The following CARMIL2 variants were observed in gnomAD, a reference collection of about 807,000 sequenced individuals.
The protein encoded by CARMIL2 is capping protein, Arp2/3 and myosin-I linker protein 2.
CARMIL2 carries 96 observed loss-of-function variants against 173.3 expected under a neutral mutation model. The ratio of observed to expected loss-of-function variants is 0.55; its 90% CI spans 0.47 to 0.66. The LOEUF (loss-of-function observed/expected upper bound fraction) is 0.66, where lower values mean the gene tolerates loss of function less well. Ranked by LOEUF, CARMIL2 falls within the 30% of genes least tolerant of loss-of-function variation. The probability of loss-of-function intolerance (pLI) is 0.00; values close to 1 mark genes in which losing one functional copy is unlikely to be tolerated. For synonymous variants in CARMIL2, 830 were observed against 817.1 expected (o/e 1.02, Z -0.27); for missense variants, 1,771 against 1,906.7 (o/e 0.93, Z 1.33).
At chr16:67,655,379 T>G (rs539841433) in intron 32 of CARMIL2, among the ~76,000 whole-genome samples, 2 of 152,266 alleles carry the variant, frequency 1.3e-5, no homozygotes, top group African/African-American at 4.8e-5. Context: ...GCAGTGAGCC[T>G]AGATCGTGCC....
Position 67,649,496 on chromosome 16 carries a change from G to A in CARMIL2, c.1796G>A (p.Ser599Asn), listed in dbSNP as rs368884160. 14 of 1,610,134 alleles carry A rather than the reference G, an allele frequency of 8.7e-6. No individual in the cohort carries two copies. Among genetic ancestry groups the A allele is most frequent in the Non-Finnish European group, 8.5e-6 (10 of 1,179,884 alleles). The change falls in exon 20 of 38, where the codon AGC becomes AAC. Residue 599 changes from serine to asparagine, a missense_variant. Ser to Asn is a conservative substitution (Grantham distance 46). Around this residue, in one of 3 missense-constraint regions of CARMIL2, gnomAD observed 944 missense variants for 975.6 expected, o/e 0.97. Transcript: ENST00000334583. The surrounding 1 kb of genome is among the most constrained non-coding windows in gnomAD (Gnocchi z 6.7). ...VAESRLKLGASVLLRALATNP... is the reference protein window; with the variant it reads ...VAESRLKLGANVLLRALATNP... ...GAGTCTCGGCTGAAGCTGGGTGCCAGCGTCCTACTCCGGGCCCTAGCCACC... is the reference window on the plus strand; with the variant it reads ...GAGTCTCGGCTGAAGCTGGGTGCCAACGTCCTACTCCGGGCCCTAGCCACC...
In CARMIL2 at chr16:67,646,552, C is replaced by T. The variant is rs756170320; in HGVS notation, c.466+35C>T. On this transcript the variant is annotated intron_variant, in intron 6 of 37. Coordinates refer to ENST00000334583, the MANE Select transcript of CARMIL2 (RefSeq NM_001013838.3). The surrounding 1 kb of genome is among the most constrained non-coding windows in gnomAD (Gnocchi z 4.6). ...AAGGCAGAGCCACAGGCCTTCCAGC[C>T]TGCCCCACCTCTGCCTCCCCAGACC... 1.6e-5 allele frequency: 25 copies of T among 1,602,044 alleles called. No homozygotes were observed. Among genetic ancestry groups the T allele is most frequent in the Non-Finnish European group, 2.0e-5 (24 of 1,171,984 alleles).
rs115875560 is a variant in CARMIL2 at position 67,651,395 on chromosome 16, C to T, written c.2314-6C>T. 1,480 of 1,592,660 alleles carry T rather than the reference C, an allele frequency of 9.3e-4. 10 individuals carry two copies. The African/African-American group carries it at 0.015, about 16-fold the overall frequency. ...CTCGCAACTGCTTTTCCTCTTTGGCCCTCAGATTCTCCCCATTCTATATGA... is the reference window on the plus strand; with the variant it reads ...CTCGCAACTGCTTTTCCTCTTTGGCTCTCAGATTCTCCCCATTCTATATGA... On this transcript the variant is annotated splice_region_variant and splice_polypyrimidine_tract_variant and intron_variant, in intron 23 of 37. Transcript: ENST00000334583. This position sits in a 1 kb window ranked among gnomAD's most constrained non-coding sequence, Gnocchi z 4.2.
rs372196623 is a variant in CARMIL2, at chr16:67,648,030, C to T, written c.1072-22C>T. ...CTGGGTAGGCGATCCCCCACTCCATCGCACCCCTGTCCTCCCTCCAGGGCC... is the reference window on the plus strand; with the variant it reads ...CTGGGTAGGCGATCCCCCACTCCATTGCACCCCTGTCCTCCCTCCAGGGCC... On this transcript the variant is annotated intron_variant, in intron 13 of 37. Transcript: ENST00000334583. This position sits in a 1 kb window ranked among gnomAD's most constrained non-coding sequence, Gnocchi z 6.1. The T allele has an allele frequency of 8.1e-6, 13 of 1,609,268 alleles. No homozygotes were observed. In the African/African-American group the frequency reaches 1.6e-4, roughly 20 times the overall value.
In CARMIL2 at chr16:67,651,850, G is replaced by A. The variant is rs1288581351; in HGVS notation, c.2588+5G>A. ...AGATGCCTTCACTAGGCTCAGGTAG[G>A]CTGGATGGGGCTGGGCTGGGCAAGG... On this transcript the variant is annotated splice_donor_5th_base_variant and intron_variant, in intron 25 of 37. Transcript: ENST00000334583. This position sits in a 1 kb window ranked among gnomAD's most constrained non-coding sequence, Gnocchi z 4.2. The A allele has an allele frequency of 1.2e-6, 2 of 1,612,594 alleles. No homozygotes were observed. Among genetic ancestry groups the A allele is most frequent in the South Asian group, 1.1e-5 (1 of 91,078 alleles).
Position 67,651,808 on chromosome 16 carries a change from C to T in CARMIL2, c.2551C>T (p.Pro851Ser). Residue 851 changes from proline to serine, a missense_variant, in exon 25 of 38, where the codon CCA becomes TCA. By Grantham distance (74) the Pro-to-Ser change is moderately conservative. Around this residue, in one of 3 missense-constraint regions of CARMIL2, gnomAD observed 817 missense variants for 903.5 expected, o/e 0.90. Coordinates refer to ENST00000334583, the MANE Select transcript of CARMIL2 (RefSeq NM_001013838.3). This position sits in a 1 kb window ranked among gnomAD's most constrained non-coding sequence, Gnocchi z 4.2. ...AGSRGLPELLPEQLLQDAFTR... is the reference protein window; with the variant it reads ...AGSRGLPELLSEQLLQDAFTR... ...CTCGAGGGGCCTCCCGGAGCTGCTC[C>T]CAGAGCAGCTGCTGCAAGATGCCTT... The T allele has an allele frequency of 6.2e-7, 1 of 1,611,466 alleles. No homozygotes were observed. The highest frequency in any genetic ancestry group is 8.5e-7 in the Non-Finnish European group (1 of 1,179,312).
chr16:67,645,482 G>A, intron 1 of CARMIL2, 58 bp from the exon 2 acceptor site: 1 of 1,469,716 alleles, frequency 6.8e-7, no homozygotes. Flanking sequence ...CACAGACTGT[G>A]GGCACCAGTG....
rs1328947120 is a variant in CARMIL2 at position 67,649,240 on chromosome 16, GC to G, written c.1689-10del. The G allele has an allele frequency of 1.2e-6, 2 of 1,613,362 alleles. No homozygotes were observed. The highest frequency in any genetic ancestry group is 2.2e-5 in the South Asian group (2 of 91,038). ...ACCACCCCTGTCCCCCACAACTGCG[GC>G]CCCTGCCCACAGGGAGACCCTGGAC... On this transcript the variant is annotated splice_polypyrimidine_tract_variant and intron_variant, in intron 18 of 37. Transcript: ENST00000334583. The surrounding 1 kb of genome is among the most constrained non-coding windows in gnomAD (Gnocchi z 6.7).
rs2052692268 is a variant in CARMIL2, at chr16:67,649,973, G to T, written c.2082+5G>T. The T allele has an allele frequency of 8.7e-6, 14 of 1,613,232 alleles. No homozygotes were observed. The highest frequency in any genetic ancestry group is 1.7e-5 in the Admixed American group (1 of 59,992). On this transcript the variant is annotated splice_donor_5th_base_variant and intron_variant, in intron 21 of 37. Coordinates refer to ENST00000334583, the MANE Select transcript of CARMIL2 (RefSeq NM_001013838.3). This position sits in a 1 kb window ranked among gnomAD's most constrained non-coding sequence, Gnocchi z 6.7. ...ACAGCACGTGCAGTCCATCAGGTGG[G>T]CGTCCCCCTCTTCCCTTGCCCTTCT...
chr16:67,656,127 C>T, intron 33 of CARMIL2, 60 bp downstream of exon 33: 2 of 1,611,128 alleles, frequency 1.2e-6, no homozygotes, highest in African/African-American at 1.3e-5. Flanking sequence ...ATAGACAGCC[C>T]CCAAGGCACT....
rs763125701 is a variant in CARMIL2, at chr16:67,647,110, C to T, written c.612-6C>T. 2 of 1,613,602 alleles carry T rather than the reference C, an allele frequency of 1.2e-6. No homozygotes were observed. Among genetic ancestry groups the T allele is most frequent in the South Asian group, 1.1e-5 (1 of 91,074 alleles). ...AGCTCTGCCTCTGTTCCCACCCTCCCACCAGGGACCTGGCCTTGAGTGTGG... is the reference window on the plus strand; with the variant it reads ...AGCTCTGCCTCTGTTCCCACCCTCCTACCAGGGACCTGGCCTTGAGTGTGG... On this transcript the variant is annotated splice_polypyrimidine_tract_variant and splice_region_variant and intron_variant, in intron 8 of 37. Coordinates refer to ENST00000334583, the MANE Select transcript of CARMIL2 (RefSeq NM_001013838.3).
chr16:67,653,043 A>G lies in CARMIL2; in HGVS notation c.2909A>G (p.Glu970Gly). 2.4e-6 allele frequency: 3 copies of G among 1,271,616 alleles called. No individual in the cohort carries two copies. Among genetic ancestry groups the G allele is most frequent in the Non-Finnish European group, 3.0e-6 (3 of 997,104 alleles). 78.8% of individuals were successfully genotyped at this position (1,271,616 alleles called of 1,614,324 possible). The change falls in exon 29 of 38, where the codon GAG becomes GGG. Residue 970 changes from glutamate (E) to glycine (G), a missense_variant. Physicochemically the swap from Glu to Gly is moderately conservative, Grantham distance 98. This residue lies in a region of CARMIL2 where 817 missense variants were observed against 903.5 expected (regional missense o/e 0.90). Transcript: ENST00000334583. The surrounding 1 kb of genome is among the most constrained non-coding windows in gnomAD (Gnocchi z 7.4). ...GGTGCTGCTGAGGAAGCGGAGCCGG[A>G]GCCCGAGCTGGCGGCTCCGGGAGAA... is the stretch of plus-strand genomic sequence containing the variant. ...IHSAAEEAEP[E>G]PELAAPGEDA...
rs2052734844 is a variant in CARMIL2 at position 67,652,034 on chromosome 16, T to C, written c.2676+26T>C. ...GTGAGGGGGAGATGTGCACACACTT[T>C]CGTGCAAACACACACATGCAGTGAC... On this transcript the variant is annotated intron_variant, in intron 26 of 37. Transcript: ENST00000334583. This position sits in a 1 kb window ranked among gnomAD's most constrained non-coding sequence, Gnocchi z 4.7. 1.9e-6 allele frequency: 3 copies of C among 1,611,362 alleles called. No homozygotes were observed. Among genetic ancestry groups the C allele is most frequent in the African/African-American group, 1.3e-5 (1 of 75,026 alleles).
At position 67,649,498 on chromosome 16, in the gene CARMIL2, G is replaced by T. The variant is rs889311845; in HGVS notation, c.1798G>T (p.Val600Phe). 1.2e-6 allele frequency: 2 copies of T among 1,609,598 alleles called. No individual in the cohort carries two copies. Among genetic ancestry groups the T allele is most frequent in the Non-Finnish European group, 1.7e-6 (2 of 1,179,878 alleles). ...AESRLKLGAS[V>F]LLRALATNPN... The stretch of plus-strand genomic sequence containing the variant: ...GTCTCGGCTGAAGCTGGGTGCCAGC[G>T]TCCTACTCCGGGCCCTAGCCACCAA... Residue 600 changes from valine to phenylalanine, a missense_variant, in exon 20 of 38, where the codon GTC becomes TTC. By Grantham distance (50) the Val-to-Phe change is conservative (BLOSUM62 -1). This residue lies in a region of CARMIL2 where 944 missense variants were observed against 975.6 expected (regional missense o/e 0.97). Coordinates refer to ENST00000334583, the MANE Select transcript of CARMIL2 (RefSeq NM_001013838.3). The surrounding 1 kb of genome is among the most constrained non-coding windows in gnomAD (Gnocchi z 6.7).
rs944011074 is a variant in CARMIL2 at position 67,648,875 on chromosome 16, C to T, written c.1510-18C>T. On this transcript the variant is annotated intron_variant, in intron 16 of 37. Transcript: ENST00000334583. The surrounding 1 kb of genome is among the most constrained non-coding windows in gnomAD (Gnocchi z 6.1). Reference sequence around the variant, plus strand: ...CCTAAGTGGGTCCCACTTCCCACCTCCCACCTCCCACATACAGCTGCGCTC... The same window carrying T: ...CCTAAGTGGGTCCCACTTCCCACCTTCCACCTCCCACATACAGCTGCGCTC... The T allele has an allele frequency of 1.1e-5, 18 of 1,597,126 alleles. No individual in the cohort carries two copies. The highest frequency in any genetic ancestry group is 1.5e-5 in the Non-Finnish European group (18 of 1,172,648).
At position 67,654,602 on chromosome 16, in the gene CARMIL2, C is replaced by G; in HGVS notation, c.3492C>G (p.Ser1164Arg). Residue 1164 changes from serine to arginine, a missense_variant, in exon 31 of 38, where the codon AGC becomes AGG. Ser to Arg is a moderately radical substitution (Grantham distance 110). Coordinates refer to ENST00000334583, the MANE Select transcript of CARMIL2 (RefSeq NM_001013838.3). ...DTSSPDPAGR[S>R]RPRYTRDSKA... ...GCAGCCCTGACCCTGCCGGCAGGAG[C>G]CGACCTCGCTACACAAGAGATAGCA... 6.2e-6 allele frequency: 10 copies of G among 1,605,670 alleles called. No homozygotes were observed. Among genetic ancestry groups the G allele is most frequent in the Non-Finnish European group, 8.5e-6 (10 of 1,175,654 alleles).
chr16:67,649,768 G>A lies in CARMIL2; in HGVS notation c.1920-38G>A. 1 of 1,595,122 alleles carries A rather than the reference G, an allele frequency of 6.3e-7. No individual in the cohort carries two copies. The highest frequency in any genetic ancestry group is 8.6e-7 in the Non-Finnish European group (1 of 1,169,080). The stretch of plus-strand genomic sequence containing the variant: ...AGGCCGAGGGTTGGGTGGGGCGTTG[G>A]GAAGCTCCGTCCCCGACTGAAGCCA... On this transcript the variant is annotated intron_variant, in intron 20 of 37. Transcript: ENST00000334583. This position sits in a 1 kb window ranked among gnomAD's most constrained non-coding sequence, Gnocchi z 6.7.
rs2052653445 is a variant in CARMIL2 at position 67,648,780 on chromosome 16, C to T, written c.1509+26C>T. ...GTGAGCGCCGGCCCCCAGAAGAGACCACACATTGGGAGAGGCGCTGGGAGG... is the reference window on the plus strand; with the variant it reads ...GTGAGCGCCGGCCCCCAGAAGAGACTACACATTGGGAGAGGCGCTGGGAGG... On this transcript the variant is annotated intron_variant, in intron 16 of 37. Coordinates refer to ENST00000334583, the MANE Select transcript of CARMIL2 (RefSeq NM_001013838.3). The surrounding 1 kb of genome is among the most constrained non-coding windows in gnomAD (Gnocchi z 6.1). 6.3e-7 allele frequency: 1 copy of T among 1,588,638 alleles called. No individual in the cohort carries two copies. Among genetic ancestry groups the T allele is most frequent in the Non-Finnish European group, 8.6e-7 (1 of 1,168,158 alleles).
In CARMIL2 at chr16:67,657,277, C is replaced by T. The variant is rs753947765; in HGVS notation, c.4156C>T (p.Arg1386Cys). ...LRLQRSPVLK[R>C]RPKLEAPPSP... Reference sequence around the variant, plus strand: ...GCTGCAGCGCTCCCCCGTCCTCAAACGCAGGCCAAAACTCGAGGCACCTCC... The same window carrying T: ...GCTGCAGCGCTCCCCCGTCCTCAAATGCAGGCCAAAACTCGAGGCACCTCC... Residue 1386 changes from arginine to cysteine, a missense_variant, in exon 37 of 38, where the codon CGC becomes TGC. Arg to Cys is a radical substitution (Grantham distance 180). Coordinates refer to ENST00000334583, the MANE Select transcript of CARMIL2 (RefSeq NM_001013838.3). This position sits in a 1 kb window ranked among gnomAD's most constrained non-coding sequence, Gnocchi z 4.5. 19 of 1,613,872 alleles carry T rather than the reference C, an allele frequency of 1.2e-5. No individual in the cohort carries two copies. The highest frequency in any genetic ancestry group is 2.2e-5 in the South Asian group (2 of 91,074).
Sources: gnomAD v4.1 joint callset for allele counts (sites outside exome capture counted in the v4.1 genomes callset) on GRCh38, gnomAD v4.1.1 for gene constraint, gnomAD v4.1.1 regional missense constraint, Gnocchi (gnomAD v3.1) non-coding constraint, MANE v1.5 for transcripts, NCBI Gene and HGNC (gene_info 2026-07-23, HGNC 2026-07-21) for gene names.